Variants in MOXD1 observed in about 807,000 individuals in gnomAD.
MOXD1 encodes monooxygenase DBH like 1, also known as DBH-like monooxygenase protein 1.
In MOXD1, 62 loss-of-function variants were observed where a neutral mutation model predicts 66.6. The observed-to-expected ratio is 0.93, with a 90% CI of 0.76 to 1.15. MOXD1 has a LOEUF of 1.15. MOXD1 is among the 50% of genes most tolerant of loss of function. The pLI, the probability that MOXD1 is intolerant of heterozygous loss-of-function variation, is 0.00. For missense variants in MOXD1, 847 were observed against 754.6 expected, an observed-to-expected ratio of 1.12 and a Z score of -1.44; for synonymous variants, 303 against 281.9, an observed-to-expected ratio of 1.07 and a Z score of -0.75.
At chr6:132,305,066 A>C (rs906823075) in intron 10 of MOXD1, among the ~76,000 whole-genome samples, 1 of 152,162 alleles carries the variant, frequency 6.6e-6, no homozygotes, top group Admixed American at 6.5e-5. Flanking sequence ...GCTCCTTGGG[A>C]GAGGAGCAGC....
At chr6:132,306,540 A>G (rs1774692010) in intron 10 of MOXD1, among the ~76,000 whole-genome samples, 1 of 152,252 alleles carries the variant, frequency 6.6e-6, no homozygotes, top group Non-Finnish European at 1.5e-5. Context: ...CGAGAAGATC[A>G]ACCCCAAGAC....
chr6:132,323,854 G>A (rs1775130662), intron 7 of MOXD1, 77 bp downstream of exon 7: 1 of 1,400,124 alleles, frequency 7.1e-7, no homozygotes, highest in East Asian at 2.5e-5. Context: ...ATAAACATGT[G>A]CGGAATTTTT....
intron 4 of MOXD1, among the ~76,000 whole-genome samples, chr6:132,370,386 T>A (rs1461043371): frequency 6.6e-6 from 1 of 152,060 alleles, no homozygotes; most frequent in Non-Finnish European, 1.5e-5. Context: ...AAGGCTGCCT[T>A]AAAACCACTT....
At chr6:132,340,026 C>T (rs1253981231) in intron 4 of MOXD1, among the ~76,000 whole-genome samples, 1 of 152,090 alleles carries the variant, frequency 6.6e-6, no homozygotes, top group Non-Finnish European at 1.5e-5. Flanking sequence ...TGCACCACCA[C>T]ACCTGGATAA....
chr6:132,327,971 T>C (rs371015456), intron 6 of MOXD1, 42 bp downstream of exon 6: 319 of 1,538,138 alleles, frequency 2.1e-4, no homozygotes, highest in Non-Finnish European at 2.7e-4. Context: ...TACAAAACTT[T>C]TTATAAAAAT....
chr6:132,399,433 CTA>C (rs1440955230), intron 1 of MOXD1, among the ~76,000 whole-genome samples: 13 of 152,126 alleles, frequency 8.5e-5, no homozygotes, highest in African/African-American at 2.2e-4. Flanking sequence ...AAGAAAATTT[CTA>C]TGTTTCAAAA....
chr6:132,394,722 A>G (rs957817618), intron 1 of MOXD1, among the ~76,000 whole-genome samples: 1 of 152,184 alleles, frequency 6.6e-6, no homozygotes. Context: ...GAAGCAAAAG[A>G]ATCTCAGAAC....
At chr6:132,304,076 T>A (rs1171650771) in intron 10 of MOXD1, among the ~76,000 whole-genome samples, 1 of 151,582 alleles carries the variant, frequency 6.6e-6, no homozygotes, top group Non-Finnish European at 1.5e-5. Context: ...TTCATGTCCC[T>A]CCAAAACTCA....
intron 4 of MOXD1, among the ~76,000 whole-genome samples, chr6:132,352,731 T>C (rs747398199): frequency 4.6e-5 from 7 of 152,208 alleles, no homozygotes; most frequent in Admixed American, 1.3e-4. Context: ...CAGTGGAGTA[T>C]TGAAGTCCCT....
intron 4 of MOXD1, among the ~76,000 whole-genome samples, chr6:132,363,634 T>A (rs1776060463): frequency 6.6e-6 from 1 of 152,172 alleles, no homozygotes; most frequent in African/African-American, 2.4e-5. Flanking sequence ...CTAATTTGTG[T>A]AATGTTGAGC....
At chr6:132,386,439 A>AC (rs1776645036) in intron 1 of MOXD1, among the ~76,000 whole-genome samples, 8 of 146,338 alleles carry the variant, frequency 5.5e-5, no homozygotes, top group African/African-American at 1.8e-4. Flanking sequence ...AAAACAAAAA[A>AC]AAAAAACAAA....
chr6:132,363,180 G>A (rs1460674982), intron 4 of MOXD1, among the ~76,000 whole-genome samples: 1 of 145,350 alleles, frequency 6.9e-6, no homozygotes, highest in Non-Finnish European at 1.5e-5. Flanking sequence ...CAAATTTGTT[G>A]AGTGTAGATC....
At chr6:132,346,505 T>C (rs1490953694) in intron 4 of MOXD1, among the ~76,000 whole-genome samples, 1 of 152,212 alleles carries the variant, frequency 6.6e-6, no homozygotes, top group Non-Finnish European at 1.5e-5. Flanking sequence ...AATCTAATTG[T>C]AGGCAATACA....
At position 132,401,320 on chromosome 6, in the gene MOXD1, T is replaced by C; in HGVS notation, c.107A>G (p.Lys36Arg). Residue 36 changes from lysine (K) to arginine (R), a missense_variant, in exon 1 of 12, where the codon AAG becomes AGG. Physicochemically the swap from Lys to Arg is conservative, Grantham distance 26. Coordinates refer to ENST00000367963, the MANE Select transcript of MOXD1 (RefSeq NM_015529.4). ...CCGCTGGCTCCAGCCCAGCCAGTAC[T>C]TGCCCTCCGAGTCCAGGAGGGTCCG... ...PHRTLLDSEG[K>R]YWLGWSQRGS... The C allele has an allele frequency of 6.3e-7, 1 of 1,591,952 alleles. No homozygotes were observed. The highest frequency in any genetic ancestry group is 8.5e-7 in the Non-Finnish European group (1 of 1,174,030).
chr6:132,394,574 A>T (rs1418334973), intron 1 of MOXD1, among the ~76,000 whole-genome samples: 1 of 152,198 alleles, frequency 6.6e-6, no homozygotes, highest in Admixed American at 6.5e-5. Context: ...AAACCAGAAA[A>T]GCAATTCAGG....
chr6:132,344,410 GA>G (rs1010338883), intron 4 of MOXD1, among the ~76,000 whole-genome samples: 13 of 152,206 alleles, frequency 8.5e-5, no homozygotes, highest in South Asian at 4.2e-4. Context: ...CATATGGGGG[GA>G]AAAAAATCAA....
chr6:132,330,826 G>C (rs1190224538), intron 4 of MOXD1, among the ~76,000 whole-genome samples: 1 of 152,136 alleles, frequency 6.6e-6, no homozygotes, highest in Non-Finnish European at 1.5e-5. Context: ...TCTAAGCAAG[G>C]GGGGAAATGG....
At chr6:132,349,454 TATATATATATACATATATATATATATAC>T (rs1354336698) in intron 4 of MOXD1, among the ~76,000 whole-genome samples, 561 of 25,524 alleles carry the variant, frequency 0.022, 106 homozygotes, top group African/African-American at 0.12. Flanking sequence ...TATATATACA[TATATATATATACATATATATATATATAC>T]ATATATATAT....
intron 4 of MOXD1, among the ~76,000 whole-genome samples, chr6:132,332,828 A>G (rs1032915661): frequency 1.3e-5 from 2 of 152,174 alleles, no homozygotes; most frequent in South Asian, 4.1e-4. Context: ...GTTTTAAACT[A>G]TGTTATGCTA....
Sources: gnomAD v4.1 joint callset for allele counts (sites outside exome capture counted in the v4.1 genomes callset) on GRCh38, gnomAD v4.1.1 for gene constraint, MANE v1.5 for transcripts, NCBI Gene and HGNC (gene_info 2026-07-23, HGNC 2026-07-21) for gene names.